Variants in HDAC9 observed in about 807,000 individuals in gnomAD.
The protein encoded by HDAC9 is MEF-2 interacting transcription repressor (MITR) protein.
HDAC9 carries 41 observed loss-of-function variants against 139.4 expected under a neutral mutation model. The ratio of observed to expected loss-of-function variants is 0.29; its 90% CI spans 0.23 to 0.38. The LOEUF (loss-of-function observed/expected upper bound fraction) is 0.38. Among genes scored for constraint, HDAC9 ranks in the 10% least tolerant of loss-of-function variants. HDAC9 has a pLI of 1.00. For synonymous variants in HDAC9, 517 were observed against 476.2 expected (o/e 1.09, Z -1.12); for missense variants, 1,147 against 1,297.0 (o/e 0.88, Z 1.78).
At chr7:18,179,617 C>A (rs895933472) in intron 2 of HDAC9, among the ~76,000 whole-genome samples, 26 of 152,042 alleles carry the variant, frequency 1.7e-4, no homozygotes, top group Non-Finnish European at 3.8e-4. Flanking sequence ...CTAAATAAAC[C>A]CAAACGTCTT....
In HDAC9 at chr7:18,634,653, G is replaced by C. The variant is rs552180292; in HGVS notation, c.823G>C (p.Gly275Arg). 1.3e-6 allele frequency: 2 copies of C among 1,587,984 alleles called. No homozygotes were observed. Among genetic ancestry groups the C allele is most frequent in the Admixed American group, 1.8e-5 (1 of 57,032 alleles). The change falls in exon 8 of 26, where the codon GGC becomes CGC. Residue 275 changes from glycine to arginine, a missense_variant. By Grantham distance (125) the Gly-to-Arg change is moderately radical (BLOSUM62 -2). Coordinates refer to ENST00000686413, the MANE Select transcript of HDAC9 (RefSeq NM_178425.4). ...TESSVSSSSP[G>R]SGPSSPNNGP... ...ATCCTCAGTCAGTAGCAGTTCTCCA[G>C]GCTCTGGTCCCAGTTCACCAAACAA...
At chr7:18,771,915 G>T (rs1790331601) in intron 16 of HDAC9, among the ~76,000 whole-genome samples, 1 of 152,124 alleles carries the variant, frequency 6.6e-6, no homozygotes, top group South Asian at 2.1e-4. Context: ...CATAATGTGT[G>T]CCATCAGATA....
chr7:18,376,254 T>C (rs1352334912), intron 1 of HDAC9, among the ~76,000 whole-genome samples: 1 of 152,206 alleles, frequency 6.6e-6, no homozygotes, highest in Admixed American at 6.5e-5. Context: ...TTAAAAAAAT[T>C]ATCAAAATAA....
chr7:18,471,464 C>T (rs1371540013), intron 1 of HDAC9, among the ~76,000 whole-genome samples: 1 of 152,088 alleles, frequency 6.6e-6, no homozygotes, highest in Non-Finnish European at 1.5e-5. Flanking sequence ...ATTCATGGTT[C>T]CAAAGCAACA....
At chr7:18,196,059 C>T (rs576956936) in intron 2 of HDAC9, among the ~76,000 whole-genome samples, 172 of 152,220 alleles carry the variant, frequency 1.1e-3, no homozygotes, top group Non-Finnish European at 2.2e-3. Context: ...TTACATTCCT[C>T]CATAATTATT....
At chr7:18,181,814 C>T (rs2128141393) in intron 2 of HDAC9, among the ~76,000 whole-genome samples, 1 of 152,212 alleles carries the variant, frequency 6.6e-6, no homozygotes, top group African/African-American at 2.4e-5. Flanking sequence ...CAGAGAGAAC[C>T]TGTGGTCTGA....
intron 2 of HDAC9, among the ~76,000 whole-genome samples, chr7:18,212,988 G>A (rs1792054831): frequency 6.6e-6 from 1 of 152,158 alleles, no homozygotes; most frequent in Non-Finnish European, 1.5e-5. Context: ...GAGCCAGATG[G>A]CTTTTGCCCT....
chr7:18,866,911 C>T (rs1210404449), intron 21 of HDAC9, among the ~76,000 whole-genome samples: 1 of 152,118 alleles, frequency 6.6e-6, no homozygotes, highest in Non-Finnish European at 1.5e-5. Context: ...ATTGTTTGGC[C>T]ATTGACTAGA....
chr7:18,289,164 C>A (rs561092329), upstream of HDAC9, among the ~76,000 whole-genome samples: 1 of 152,218 alleles, frequency 6.6e-6, no homozygotes, highest in South Asian at 2.1e-4. Context: ...AAAATATGAC[C>A]TTGGGGGCTT....
intron 22 of HDAC9, among the ~76,000 whole-genome samples, chr7:18,920,389 T>A (rs922415231): frequency 7.7e-4 from 117 of 152,236 alleles, no homozygotes; most frequent in Non-Finnish European, 1.1e-3. Flanking sequence ...TAAGGAGATT[T>A]TGGGCTGAGA....
At chr7:18,819,384 A>C (rs903198257) in intron 17 of HDAC9, among the ~76,000 whole-genome samples, 1 of 152,232 alleles carries the variant, frequency 6.6e-6, no homozygotes, top group Non-Finnish European at 1.5e-5. Context: ...GCCTAGGCAG[A>C]GTTTCACTAT....
At chr7:18,765,386 C>G (rs1020038145) in intron 15 of HDAC9, among the ~76,000 whole-genome samples, 19 of 151,898 alleles carry the variant, frequency 1.3e-4, no homozygotes, top group African/African-American at 4.4e-4. Context: ...CTTTGGGAGG[C>G]CGAGACAGGA....
intron 1 of HDAC9, among the ~76,000 whole-genome samples, chr7:18,298,284 T>A (rs557508929): frequency 2.0e-5 from 3 of 151,856 alleles, no homozygotes; most frequent in Non-Finnish European, 4.4e-5. Flanking sequence ...TTTTATGTTT[T>A]TTTTTTTTTT....
intron 1 of HDAC9, among the ~76,000 whole-genome samples, chr7:18,417,918 A>G (rs1192542061): frequency 6.6e-6 from 1 of 152,186 alleles, no homozygotes; most frequent in Non-Finnish European, 1.5e-5. Context: ...TGCTCTATCC[A>G]GAAAACTCTA....
chr7:18,374,596 A>G (rs1291894610), intron 1 of HDAC9, among the ~76,000 whole-genome samples: 2 of 142,428 alleles, frequency 1.4e-5, no homozygotes, highest in Non-Finnish European at 2.9e-5. Flanking sequence ...AATGGCTACA[A>G]CATCACTAGG....
At chr7:18,806,158 G>A (rs1341132066) in intron 17 of HDAC9, among the ~76,000 whole-genome samples, 4 of 152,174 alleles carry the variant, frequency 2.6e-5, no homozygotes, top group South Asian at 2.1e-4. Flanking sequence ...ACTAGGGCTT[G>A]GAGAAGAATA....
At chr7:18,901,066 A>G (rs1801655584) in intron 22 of HDAC9, among the ~76,000 whole-genome samples, 2 of 152,008 alleles carry the variant, frequency 1.3e-5, no homozygotes, top group South Asian at 4.1e-4. Flanking sequence ...TTCTTTTCAA[A>G]GATTGCTTAA....
At chr7:18,399,341 G>T (rs1361585644) in intron 1 of HDAC9, among the ~76,000 whole-genome samples, 1 of 151,428 alleles carries the variant, frequency 6.6e-6, no homozygotes, top group Non-Finnish European at 1.5e-5. Flanking sequence ...GTCACAAAAA[G>T]AAAAAAAATG....
In HDAC9 at chr7:18,938,595, C is replaced by CA. The variant is rs533433564; in HGVS notation, c.2937+2661dup. Among the ~76,000 whole-genome samples the CA allele has an allele frequency of 1.7e-4, 25 of 151,044 alleles. No individual in the cohort carries two copies. In the South Asian group the frequency reaches 4.8e-3, roughly 29 times the overall value. On this transcript the variant is annotated intron_variant, in intron 23 of 25. Transcript: ENST00000686413. ...GGGCGACAGAGGCGAGACTCCGTCT[C>CA]AAAAAAAATAATAATAAAAAAAAAT...
Sources: gnomAD v4.1 joint callset for allele counts (sites outside exome capture counted in the v4.1 genomes callset) on GRCh38, gnomAD v4.1.1 for gene constraint, MANE v1.5 for transcripts, NCBI Gene and HGNC (gene_info 2026-07-23, HGNC 2026-07-21) for gene names.